IDH3A: variants seen among roughly 807,000 people sequenced by gnomAD.
The protein encoded by IDH3A is isocitrate dehydrogenase (NAD(+)) 3 catalytic subunit alpha.
Under a neutral mutation model 43.3 loss-of-function variants are expected in IDH3A, and 23 were observed. The observed-to-expected ratio is 0.53, with a 90% CI of 0.38 to 0.75. The LOEUF (loss-of-function observed/expected upper bound fraction) is 0.75, where lower values mean the gene tolerates loss of function less well. Ranked by LOEUF, IDH3A falls within the 30% of genes least tolerant of loss-of-function variation. The pLI, the probability that IDH3A is intolerant of heterozygous loss-of-function variation, is 0.00. For synonymous variants in IDH3A, 154 were observed against 163.5 expected (o/e 0.94, Z 0.44); for missense variants, 329 against 474.4 (o/e 0.69, Z 2.85).
intron 9 of IDH3A, 94 bp downstream of exon 9, chr15:78,165,170 T>A: frequency 1.3e-6 from 1 of 794,474 alleles, no homozygotes; most frequent in Non-Finnish European, 2.2e-6. Flanking sequence ...ACTCCAGTTT[T>A]TCAAATTGTC....
chr15:78,153,422 C>T lies in IDH3A; in HGVS notation c.28-1791C>T, dbSNP rs192575890. Among the ~76,000 whole-genome samples, 389 of 152,256 alleles carry T rather than the reference C, an allele frequency of 2.6e-3. 3 individuals carry two copies. The highest frequency in any genetic ancestry group is 7.9e-4 in the Non-Finnish European group (54 of 68,024). On this transcript the variant is annotated intron_variant, in intron 1 of 10. Transcript: ENST00000299518. ...TGTCAATTTTCTTGTCACAAAGTAGCCTTTAAATGGCCTCCCTTCCAATAG... is the reference window on the plus strand; with the variant it reads ...TGTCAATTTTCTTGTCACAAAGTAGTCTTTAAATGGCCTCCCTTCCAATAG...
intron 1 of IDH3A, chr15:78,154,429 T>A (rs2074607784): frequency 1.3e-5 from 2 of 152,210 alleles, no homozygotes; most frequent in South Asian, 4.1e-4. Flanking sequence ...TTCTTAATAT[T>A]CACAGAATAG....
chr15:78,164,326 A>G (rs1400314358), intron 8 of IDH3A, among the ~76,000 whole-genome samples: 1 of 144,344 alleles, frequency 6.9e-6, no homozygotes, highest in Non-Finnish European at 1.5e-5. Context: ...ACACACAGAC[A>G]TAAGATGTTG....
chr15:78,153,005 A>G (rs2074592003), intron 1 of IDH3A, among the ~76,000 whole-genome samples: 1 of 152,164 alleles, frequency 6.6e-6, no homozygotes, highest in Non-Finnish European at 1.5e-5. Context: ...ACAAAACACA[A>G]ATCCTTACAC....
At chr15:78,168,733 A>G (rs1242704680) in intron 10 of IDH3A, 189 bp from the exon 11 acceptor site, 5 of 539,944 alleles carry the variant, frequency 9.3e-6, no homozygotes, top group Non-Finnish European at 1.7e-5. Flanking sequence ...ATACACTATG[A>G]GATTGGATCC....
chr15:78,150,937 C>G (rs1410800502), intron 1 of IDH3A: 2 of 152,222 alleles, frequency 1.3e-5, no homozygotes, highest in African/African-American at 4.8e-5. Flanking sequence ...TCTGAACTTA[C>G]ATTTAACACC....
rs2074811885 is a variant in IDH3A at position 78,170,840 on chromosome 15, C to T, written c.*1835C>T. 1 of 152,896 alleles carries T rather than the reference C, an allele frequency of 6.5e-6. No homozygotes were observed. Among genetic ancestry groups the T allele is most frequent in the Non-Finnish European group, 1.5e-5 (1 of 68,268 alleles). 9.5% of individuals were successfully genotyped at this position (152,896 alleles called of 1,614,324 possible). A position where few individuals can be genotyped will look rare whatever the true frequency, so the allele number is the denominator to read the frequency against. On this transcript the variant is annotated 3_prime_UTR_variant, in exon 11 of 11. Transcript: ENST00000299518. The stretch of plus-strand genomic sequence containing the variant: ...GCTCAATTGACAAAAAAAATCAGGT[C>T]CTTGTTGACAGTTCTGTTAAAAGGT...
chr15:78,167,770 T>G (rs982456888), intron 10 of IDH3A: 1 of 152,230 alleles, frequency 6.6e-6, no homozygotes, highest in Non-Finnish European at 1.5e-5. Flanking sequence ...ATTTGTCCTT[T>G]GAGTCTGGCT....
chr15:78,155,033 G>T (rs1293718320), intron 1 of IDH3A, among the ~76,000 whole-genome samples, 180 bp from the exon 2 acceptor site: 1 of 152,102 alleles, frequency 6.6e-6, no homozygotes, highest in Non-Finnish European at 1.5e-5. Context: ...GAGTATTTAG[G>T]CTTTCAAATC....
intron 8 of IDH3A, among the ~76,000 whole-genome samples, 175 bp from the exon 9 acceptor site, chr15:78,164,817 A>T (rs903199005): frequency 7.2e-5 from 11 of 152,220 alleles, no homozygotes; most frequent in Non-Finnish European, 1.6e-4. Flanking sequence ...TTTCTGACAC[A>T]GTAAGATGCT....
intron 1 of IDH3A, 123 bp from the exon 2 acceptor site, chr15:78,155,090 G>A (rs2074613087): frequency 3.5e-6 from 2 of 569,684 alleles, no homozygotes; most frequent in African/African-American, 1.9e-5. Context: ...TTGTATTCCT[G>A]GGAAGCTACT....
chr15:78,164,544 G>T (rs922418325), intron 8 of IDH3A, among the ~76,000 whole-genome samples: 1 of 152,072 alleles, frequency 6.6e-6, no homozygotes, highest in African/African-American at 2.4e-5. Context: ...TAGGGACGGG[G>T]TTTCGCCATG....
At chr15:78,168,739 G>C (rs2074781561) in intron 10 of IDH3A, 183 bp from the exon 11 acceptor site, 1 of 549,372 alleles carries the variant, frequency 1.8e-6, no homozygotes, top group African/African-American at 1.9e-5. Context: ...TATGAGATTG[G>C]ATCCCGATCC....
intron 8 of IDH3A, 44 bp from the exon 9 acceptor site, chr15:78,164,948 T>C: frequency 2.0e-6 from 3 of 1,496,552 alleles, no homozygotes; most frequent in Non-Finnish European, 2.8e-6. Context: ...AGGTGAGATG[T>C]TTTATTTTTA....
chr15:78,163,710 T>G lies in IDH3A; in HGVS notation c.715-6T>G, dbSNP rs749017182. Reference sequence around the variant, plus strand: ...ATTACTAAATGCACAAATGTATTCCTTGTAGATGGTACAAGATCCTTCCCA... The same window carrying G: ...ATTACTAAATGCACAAATGTATTCCGTGTAGATGGTACAAGATCCTTCCCA... On this transcript the variant is annotated splice_polypyrimidine_tract_variant and splice_region_variant and intron_variant, in intron 7 of 10. Transcript: ENST00000299518. 1.2e-6 allele frequency: 2 copies of G among 1,611,404 alleles called. No homozygotes were observed. The highest frequency in any genetic ancestry group is 3.3e-5 in the Admixed American group (2 of 60,016).
At position 78,161,760 on chromosome 15, in the gene IDH3A, G is replaced by A; in HGVS notation, c.469G>A (p.Glu157Lys). 1 of 1,613,830 alleles carries A rather than the reference G, an allele frequency of 6.2e-7. No homozygotes were observed. The highest frequency in any genetic ancestry group is 8.5e-7 in the Non-Finnish European group (1 of 1,179,726). ...CACAGAAGGAGAATACAGTGGAATT[G>A]AGCATGTGGTATGTTCACTCCAGAT... Reference protein sequence around the residue: ...ENTEGEYSGIEHVIVDGVVQS... With the variant: ...ENTEGEYSGIKHVIVDGVVQS... Residue 157 changes from glutamate (E) to lysine (K), a missense_variant, in exon 5 of 11, where the codon GAG becomes AAG. By Grantham distance (56) the Glu-to-Lys change is moderately conservative (BLOSUM62 1). This residue lies in a region of IDH3A where 212 missense variants were observed against 345.5 expected (regional missense o/e 0.61). Coordinates refer to ENST00000299518, the MANE Select transcript of IDH3A (RefSeq NM_005530.3). This position sits in a 1 kb window ranked among gnomAD's most constrained non-coding sequence, Gnocchi z 4.8.
At chr15:78,166,424 C>T in intron 10 of IDH3A, 122 bp downstream of exon 10, 1 of 986,796 alleles carries the variant, frequency 1.0e-6, no homozygotes, top group South Asian at 1.4e-5. Context: ...TGATGTTGAA[C>T]AAGGATTCTT....
At chr15:78,159,533 T>G (rs2074659924) in intron 3 of IDH3A, among the ~76,000 whole-genome samples, 1 of 152,224 alleles carries the variant, frequency 6.6e-6, no homozygotes, top group Admixed American at 6.5e-5. Context: ...CTATAGCCAC[T>G]GTTAAGAGCC....
chr15:78,161,490 A>G lies in IDH3A; in HGVS notation c.290-91A>G, dbSNP rs750165761. Reference sequence around the variant, plus strand: ...GTAGAGAGTGAACTAGAGGCAGAACACATTTCACAAGGTAGCCGAGGTGGG... The same window carrying G: ...GTAGAGAGTGAACTAGAGGCAGAACGCATTTCACAAGGTAGCCGAGGTGGG... On this transcript the variant is annotated intron_variant, in intron 4 of 10. Transcript: ENST00000299518. The surrounding 1 kb of genome is among the most constrained non-coding windows in gnomAD (Gnocchi z 4.8). 9.9e-5 allele frequency: 94 copies of G among 946,038 alleles called. No homozygotes were observed. Among genetic ancestry groups the G allele is most frequent in the Non-Finnish European group, 1.4e-4 (83 of 611,728 alleles). 58.6% of individuals were successfully genotyped at this position (946,038 alleles called of 1,614,324 possible).
Sources: gnomAD v4.1 joint callset for allele counts (sites outside exome capture counted in the v4.1 genomes callset) on GRCh38, gnomAD v4.1.1 for gene constraint, gnomAD v4.1.1 regional missense constraint, Gnocchi (gnomAD v3.1) non-coding constraint, MANE v1.5 for transcripts, NCBI Gene and HGNC (gene_info 2026-07-23, HGNC 2026-07-21) for gene names.